Variants in DHX37 observed in about 807,000 individuals in gnomAD.
DHX37 encodes DEAH-box helicase 37.
Under a neutral mutation model 134.3 loss-of-function variants are expected in DHX37, and 52 were observed. The observed-to-expected ratio is 0.39, with a 90% CI of 0.31 to 0.49. The LOEUF is 0.49. Ranked by LOEUF, DHX37 falls within the 20% of genes least tolerant of loss-of-function variation. The pLI, the probability that DHX37 is intolerant of heterozygous loss-of-function variation, is 0.93. For missense variants in DHX37, 1,344 were observed against 1,580.8 expected, an observed-to-expected ratio of 0.85 and a Z score of 2.54; for synonymous variants, 634 against 670.7, an observed-to-expected ratio of 0.95 and a Z score of 0.85.
chr12:124,953,442 A>G, intron 20 of DHX37: 1 of 175,590 alleles, frequency 5.7e-6, no homozygotes, highest in South Asian at 1.4e-4. Flanking sequence ...CATATGTTGG[A>G]GGACATTTCC....
chr12:124,956,647 C>A, intron 18 of DHX37, 44 bp downstream of exon 18: 1 of 1,495,768 alleles, frequency 6.7e-7, no homozygotes, highest in Non-Finnish European at 8.9e-7. Context: ...GAGCCCCCGT[C>A]GGAACTGAGC....
chr12:124,975,225 C>T (rs1954610404), intron 6 of DHX37, among the ~76,000 whole-genome samples, 194 bp downstream of exon 6: 1 of 152,154 alleles, frequency 6.6e-6, no homozygotes, highest in Non-Finnish European at 1.5e-5. Context: ...AGGACGTAAG[C>T]TTGCTTGGAG....
chr12:124,958,130 G>A (rs57013227), intron 16 of DHX37, among the ~76,000 whole-genome samples: 8,033 of 152,314 alleles, frequency 0.053, 707 homozygotes, highest in African/African-American at 0.18. Context: ...TTTCTGGGGT[G>A]ATGAAAATGG....
chr12:124,961,262 A>G (rs1306090043), intron 15 of DHX37, among the ~76,000 whole-genome samples: 1 of 62,432 alleles, frequency 1.6e-5, no homozygotes, highest in African/African-American at 8.9e-5. Context: ...GCACGCACAC[A>G]CATACACGCG....
chr12:124,972,714 G>T, intron 6 of DHX37, 115 bp from the exon 7 acceptor site: 1 of 932,776 alleles, frequency 1.1e-6, no homozygotes. Flanking sequence ...AGGGCCCGCT[G>T]GCAACCTGAA....
At chr12:124,953,645 G>A (rs1008602651) in intron 20 of DHX37, 8 of 669,952 alleles carry the variant, frequency 1.2e-5, no homozygotes, top group African/African-American at 1.1e-4. Context: ...GAAACCGAGC[G>A]ACGACCTGGT....
rs894535438 is a variant in DHX37 at position 124,980,937 on chromosome 12, C to T, written c.390-99G>A. Reference sequence around the variant, plus strand: ...CCCTTTCTGCCTCAGGGACTTTGCACCTGCTGTTCCACTCCCTGAAATGCC... The same window carrying T: ...CCCTTTCTGCCTCAGGGACTTTGCATCTGCTGTTCCACTCCCTGAAATGCC... On this transcript the variant is annotated intron_variant, in intron 3 of 26. Coordinates refer to ENST00000308736, the MANE Select transcript of DHX37 (RefSeq NM_032656.4). This position sits in a 1 kb window ranked among gnomAD's most constrained non-coding sequence, Gnocchi z 5.3. 3.2e-5 allele frequency: 43 copies of T among 1,327,376 alleles called. No homozygotes were observed. In the Middle Eastern group the frequency reaches 5.7e-4, roughly 17 times the overall value. The allele number at this position is 1,327,376 out of a possible 1,614,324, so 82.2% of individuals were successfully genotyped here. A position where few individuals can be genotyped will look rare whatever the true frequency, so the allele number is the denominator to read the frequency against.
chr12:124,988,598 C>G (rs1954919198), intron 1 of DHX37, among the ~76,000 whole-genome samples: 1 of 152,096 alleles, frequency 6.6e-6, no homozygotes, highest in South Asian at 2.1e-4. Flanking sequence ...TGAAAATACA[C>G]ATTTGGGGGT....
chr12:124,955,419 T>C (rs1227030538), intron 18 of DHX37, among the ~76,000 whole-genome samples: 1 of 152,200 alleles, frequency 6.6e-6, no homozygotes, highest in Non-Finnish European at 1.5e-5. Context: ...ACCCTATTAT[T>C]CTCCCCCAAG....
At chr12:124,975,332 T>G in intron 6 of DHX37, 87 bp downstream of exon 6, 1 of 1,359,076 alleles carries the variant, frequency 7.4e-7, no homozygotes, top group Non-Finnish European at 1.0e-6. Context: ...TCGGCACAGA[T>G]GCTGCTCACC....
At chr12:124,956,056 G>T (rs1003531430) in intron 18 of DHX37, among the ~76,000 whole-genome samples, 4 of 152,238 alleles carry the variant, frequency 2.6e-5, no homozygotes, top group African/African-American at 9.6e-5. Context: ...CCAAACACAG[G>T]CAGATTGACC....
intron 16 of DHX37, among the ~76,000 whole-genome samples, chr12:124,958,176 A>G (rs569759997): frequency 1.3e-5 from 2 of 152,310 alleles, no homozygotes; most frequent in African/African-American, 4.8e-5. Flanking sequence ...TTGTGAACAC[A>G]CTGGAAACTA....
chr12:124,977,397 C>T lies in DHX37; in HGVS notation c.832G>A (p.Gly278Ser), dbSNP rs969314622. Reference sequence around the variant, plus strand: ...GGCACCTGTGTGGTCTTCCCGCTGCCGGTCTCACCACACACGATGACGATG... The same window carrying T: ...GGCACCTGTGTGGTCTTCCCGCTGCTGGTCTCACCACACACGATGACGATG... ...HPIVIVCGET[G>S]SGKTTQVPQF... The change falls in exon 5 of 27, where the codon GGC (glycine) becomes AGC (serine). Residue 278 changes from glycine (G) to serine (S), a missense_variant. This residue lies in a region of DHX37 where 77 missense variants were observed against 121.6 expected (regional missense o/e 0.63). Coordinates refer to ENST00000308736, the MANE Select transcript of DHX37 (RefSeq NM_032656.4). The T allele has an allele frequency of 6.8e-6, 11 of 1,608,368 alleles. No individual in the cohort carries two copies. The highest frequency in any genetic ancestry group is 1.3e-5 in the African/African-American group (1 of 74,650).
chr12:124,975,383 A>C (rs772114646), intron 6 of DHX37, 36 bp downstream of exon 6: 9 of 1,605,606 alleles, frequency 5.6e-6, no homozygotes, highest in Non-Finnish European at 6.8e-6. Context: ...CCACAGGACC[A>C]CCCCATAGTC....
rs1277692230 is a variant in DHX37 at position 124,980,403 on chromosome 12, T to C, written c.738+87A>G. 1.4e-6 allele frequency: 2 copies of C among 1,401,010 alleles called. No homozygotes were observed. The highest frequency in any genetic ancestry group is 2.4e-5 in the East Asian group (1 of 40,898). 86.8% of individuals were successfully genotyped at this position (1,401,010 alleles called of 1,614,324 possible). On this transcript the variant is annotated intron_variant, in intron 4 of 26. Transcript: ENST00000308736. This position sits in a 1 kb window ranked among gnomAD's most constrained non-coding sequence, Gnocchi z 5.3. ...GGGACATGGAGGCACAGAGAAGGGATGCCCTTGCCCCACTTCACCAGGACG... is the reference window on the plus strand; with the variant it reads ...GGGACATGGAGGCACAGAGAAGGGACGCCCTTGCCCCACTTCACCAGGACG...
intron 18 of DHX37, 25 bp from the exon 19 acceptor site, chr12:124,954,236 T>C (rs1954040995): frequency 1.9e-6 from 3 of 1,542,088 alleles, no homozygotes; most frequent in East Asian, 2.3e-5. Flanking sequence ...ACATACTGTC[T>C]GGGCTGGGGC....
chr12:124,950,326 C>A, intron 23 of DHX37, 83 bp from the exon 24 acceptor site: 1 of 1,602,772 alleles, frequency 6.2e-7, no homozygotes, highest in Non-Finnish European at 8.5e-7. Flanking sequence ...GAGACACACA[C>A]GTCCGGGGGC....
chr12:124,959,989 G>A (rs915179715), intron 16 of DHX37, among the ~76,000 whole-genome samples: 17 of 152,352 alleles, frequency 1.1e-4, no homozygotes, highest in African/African-American at 4.1e-4. Flanking sequence ...CTCCACTGGA[G>A]GACTGGGTCG....
rs1193097685 is a variant in DHX37, at chr12:124,972,470, G to T, written c.1077+33C>A. On this transcript the variant is annotated intron_variant, in intron 7 of 26. Transcript: ENST00000308736. ...TAGCATCCCGCCCCCATGCCCACTGGCCTTGCTCTGTGAGCCAGGATCCAC... is the reference window on the plus strand; with the variant it reads ...TAGCATCCCGCCCCCATGCCCACTGTCCTTGCTCTGTGAGCCAGGATCCAC... 3.1e-6 allele frequency: 5 copies of T among 1,606,818 alleles called. No homozygotes were observed. In the African/African-American group the frequency reaches 6.7e-5, roughly 21 times the overall value.
Sources: gnomAD v4.1 joint callset for allele counts (sites outside exome capture counted in the v4.1 genomes callset) on GRCh38, gnomAD v4.1.1 for gene constraint, gnomAD v4.1.1 regional missense constraint, Gnocchi (gnomAD v3.1) non-coding constraint, MANE v1.5 for transcripts, NCBI Gene and HGNC (gene_info 2026-07-23, HGNC 2026-07-21) for gene names.